Variants in SIRT5 observed in about 807,000 individuals in gnomAD.
The protein encoded by SIRT5 is sirtuin 5.
SIRT5 carries 26 observed loss-of-function variants against 40.0 expected under a neutral mutation model. The ratio of observed to expected loss-of-function variants is 0.65; its 90% CI spans 0.48 to 0.90. SIRT5 has a LOEUF of 0.90. Ranked by LOEUF, SIRT5 falls within the 40% of genes least tolerant of loss-of-function variation. The pLI is 0.00. For synonymous variants in SIRT5, 146 were observed against 149.1 expected (o/e 0.98, Z 0.15); for missense variants, 401 against 402.4 (o/e 1.00, Z 0.03).
intron 5 of SIRT5, among the ~76,000 whole-genome samples, chr6:13,594,135 G>A (rs1435283135): frequency 6.6e-6 from 1 of 152,124 alleles, no homozygotes; most frequent in Admixed American, 6.5e-5. Flanking sequence ...GGGTTTGTTG[G>A]CGGAAGGATC....
At chr6:13,580,061 T>C (rs1298532834) in intron 2 of SIRT5, among the ~76,000 whole-genome samples, 1 of 152,206 alleles carries the variant, frequency 6.6e-6, no homozygotes, top group Non-Finnish European at 1.5e-5. Context: ...GTCTGGGAGC[T>C]GCTCACCAGA....
intron 9 of SIRT5, among the ~76,000 whole-genome samples, chr6:13,601,645 G>A (rs1762405205): frequency 6.6e-6 from 1 of 151,914 alleles, no homozygotes; most frequent in South Asian, 2.1e-4. Context: ...GAACCATCTT[G>A]TCATTACTTT....
intron 9 of SIRT5, among the ~76,000 whole-genome samples, chr6:13,603,254 G>A (rs1327006589): frequency 6.8e-6 from 1 of 146,118 alleles, no homozygotes; most frequent in East Asian, 2.0e-4. Flanking sequence ...TCCAGCCTGG[G>A]CGACAGAGCC....
At chr6:13,576,688 C>T (rs952245997) in intron 1 of SIRT5, among the ~76,000 whole-genome samples, 1 of 152,024 alleles carries the variant, frequency 6.6e-6, no homozygotes, top group African/African-American at 2.4e-5. Flanking sequence ...TCTATTTTTG[C>T]TTTTGTTGCT....
At chr6:13,608,573 G>A (rs982801875) in intron 9 of SIRT5, among the ~76,000 whole-genome samples, 3 of 149,438 alleles carry the variant, frequency 2.0e-5, no homozygotes, top group Non-Finnish European at 3.0e-5. Context: ...GTGACACAGT[G>A]AGACTCTGTC....
At chr6:13,583,495 T>C (rs1034909865) in intron 2 of SIRT5, among the ~76,000 whole-genome samples, 1 of 152,060 alleles carries the variant, frequency 6.6e-6, no homozygotes, top group Non-Finnish European at 1.5e-5. Context: ...GGTTTCACCA[T>C]GTTGGTCAGG....
At chr6:13,603,663 A>G (rs2127715217) in intron 9 of SIRT5, among the ~76,000 whole-genome samples, 1 of 152,374 alleles carries the variant, frequency 6.6e-6, no homozygotes, top group South Asian at 2.1e-4. Context: ...GCATTTAAAT[A>G]TAGGGTTACT....
At chr6:13,594,170 G>T (rs972566537) in intron 5 of SIRT5, among the ~76,000 whole-genome samples, 1 of 152,140 alleles carries the variant, frequency 6.6e-6, no homozygotes, top group Admixed American at 6.5e-5. Flanking sequence ...GCCCGGTCAG[G>T]CCACGGAGAA....
intron 9 of SIRT5, among the ~76,000 whole-genome samples, chr6:13,602,664 GA>G (rs763325766): frequency 2.0e-5 from 3 of 152,160 alleles, no homozygotes; most frequent in African/African-American, 4.8e-5. Flanking sequence ...ACTGATTTTT[GA>G]AAAGAGTGGC....
intron 1 of SIRT5, among the ~76,000 whole-genome samples, chr6:13,577,767 A>G (rs959262294): frequency 6.7e-6 from 1 of 150,148 alleles, no homozygotes; most frequent in Non-Finnish European, 1.5e-5. Context: ...TATAGAAAAC[A>G]TATATAGAAA....
intron 9 of SIRT5, among the ~76,000 whole-genome samples, chr6:13,608,265 A>G (rs1174970034): frequency 6.6e-6 from 1 of 152,166 alleles, no homozygotes; most frequent in African/African-American, 2.4e-5. Context: ...CAGAATTTAT[A>G]CTAATGTAAT....
At position 13,612,120 on chromosome 6, in the gene SIRT5, T is replaced by C. The variant is rs2127748606; in HGVS notation, c.*255T>C. On this transcript the variant is annotated 3_prime_UTR_variant, in exon 10 of 10. Transcript: ENST00000606117. ...TGAAACGTGAGGTATCTTTGATGTG[T>C]ATGGTTGGTTATTGGGAGGGAAAAA... 3.3e-6 allele frequency: 1 copy of C among 306,442 alleles called. No individual in the cohort carries two copies. Among genetic ancestry groups the C allele is most frequent in the East Asian group, 5.3e-5 (1 of 18,804 alleles). 19.0% of individuals were successfully genotyped at this position (306,442 alleles called of 1,614,324 possible).
At position 13,612,635 on chromosome 6, in the gene SIRT5, C is replaced by G. The variant is rs139181220; in HGVS notation, c.*770C>G. 6.6e-6 allele frequency: 1 copy of G among 152,256 alleles called. No individual in the cohort carries two copies. The highest frequency in any genetic ancestry group is 2.4e-5 in the African/African-American group (1 of 41,438). 9.4% of individuals were successfully genotyped at this position (152,256 alleles called of 1,614,324 possible). A position where few individuals can be genotyped will look rare whatever the true frequency, so the allele number is the denominator to read the frequency against. Reference sequence around the variant, plus strand: ...GATTACGGGCATGAGCCACCGCACCCGGCTTACTGGGGGCTTTTTAACCTT... The same window carrying G: ...GATTACGGGCATGAGCCACCGCACCGGGCTTACTGGGGGCTTTTTAACCTT... On this transcript the variant is annotated 3_prime_UTR_variant, in exon 10 of 10. Transcript: ENST00000606117.
Position 13,591,723 on chromosome 6 carries a change from T to C in SIRT5, c.304T>C (p.Tyr102His). 6.2e-7 allele frequency: 1 copy of C among 1,610,424 alleles called. No homozygotes were observed. The highest frequency in any genetic ancestry group is 8.5e-7 in the Non-Finnish European group (1 of 1,177,214). ...CAACCCGTCCCGGGTGTGGGAGTTC[T>C]ACCACTACCGGCGGGAGGTCATGGG... ...AHNPSRVWEF[Y>H]HYRREVMGSK... Residue 102 changes from tyrosine to histidine, a missense_variant, in exon 5 of 10, where the codon TAC becomes CAC. By Grantham distance (83) the Tyr-to-His change is moderately conservative. Coordinates refer to ENST00000606117, the MANE Select transcript of SIRT5 (RefSeq NM_012241.5).
intron 5 of SIRT5, among the ~76,000 whole-genome samples, chr6:13,592,478 G>A (rs185556940): frequency 4.7e-4 from 72 of 152,338 alleles, no homozygotes; most frequent in African/African-American, 1.6e-3. Context: ...CACTGAGGCT[G>A]TGCTTCTGCC....
At chr6:13,583,351 A>G (rs990177833) in intron 2 of SIRT5, among the ~76,000 whole-genome samples, 26 of 138,250 alleles carry the variant, frequency 1.9e-4, no homozygotes, top group Admixed American at 6.3e-4. Flanking sequence ...CTGGAGTGCA[A>G]TGGTACAATC....
intron 1 of SIRT5, among the ~76,000 whole-genome samples, chr6:13,578,556 G>T (rs374431113): frequency 2.1e-4 from 31 of 149,344 alleles, no homozygotes; most frequent in African/African-American, 7.7e-4. Context: ...GGTGGAGCTT[G>T]CAGTAAGTGG....
intron 5 of SIRT5, among the ~76,000 whole-genome samples, chr6:13,592,942 G>A (rs572718946): frequency 4.0e-5 from 6 of 148,228 alleles, no homozygotes; most frequent in African/African-American, 1.2e-4. Flanking sequence ...AGCAATGGGG[G>A]TTTCACTCTT....
intron 9 of SIRT5, among the ~76,000 whole-genome samples, chr6:13,603,848 G>T (rs1336085782): frequency 1.3e-5 from 2 of 152,200 alleles, no homozygotes; most frequent in African/African-American, 4.8e-5. Context: ...TTGTACAATG[G>T]ACTATATTTT....
Sources: gnomAD v4.1 joint callset for allele counts (sites outside exome capture counted in the v4.1 genomes callset) on GRCh38, gnomAD v4.1.1 for gene constraint, MANE v1.5 for transcripts, NCBI Gene and HGNC (gene_info 2026-07-23, HGNC 2026-07-21) for gene names.